Variants in GPR158 observed in about 807,000 individuals in gnomAD.
The protein encoded by GPR158 is G protein-coupled receptor 158.
In GPR158, 30 loss-of-function variants were observed where a neutral mutation model predicts 78.2. The ratio of observed to expected loss-of-function variants is 0.38; its 90% confidence interval spans 0.29 to 0.52. The LOEUF (loss-of-function observed/expected upper bound fraction) is 0.52, where lower values mean the gene tolerates loss of function less well. Among genes scored for constraint, GPR158 ranks in the 20% least tolerant of loss-of-function variants. The pLI, the probability that GPR158 is intolerant of heterozygous loss-of-function variation, is 0.83. For synonymous variants in GPR158, 581 were observed against 591.1 expected (o/e 0.98, Z 0.25); for missense variants, 1,463 against 1,523.5 (o/e 0.96, Z 0.66).
chr10:25,418,540 A>C (rs1179873858), intron 4 of GPR158, among the ~76,000 whole-genome samples: 4 of 151,994 alleles, frequency 2.6e-5, no homozygotes, highest in African/African-American at 9.7e-5. Context: ...AGAATTTTAA[A>C]ACAGTATTTT....
At chr10:25,443,970 A>T (rs1379908682) in intron 4 of GPR158, among the ~76,000 whole-genome samples, 1 of 152,070 alleles carries the variant, frequency 6.6e-6, no homozygotes, top group East Asian at 1.9e-4. Context: ...GGGGCTTCTC[A>T]GCATGTATGC....
At chr10:25,411,933 CAAAAAAAAAAAAAAAAAAAAAA>C (rs1164005677) in intron 3 of GPR158, among the ~76,000 whole-genome samples, 18 of 47,468 alleles carry the variant, frequency 3.8e-4, no homozygotes, top group Admixed American at 2.6e-3. Context: ...GACTCTATCA[CAAAAAAAAAAAAAAAAAAAAAA>C]AAAAAAAAAA....
intron 2 of GPR158, among the ~76,000 whole-genome samples, chr10:25,257,821 G>A (rs1419424401): frequency 6.6e-6 from 1 of 152,080 alleles, no homozygotes; most frequent in South Asian, 2.1e-4. Context: ...TATCACTTAC[G>A]CAAGTAGGCT....
At chr10:25,424,914 T>G (rs11014543) in intron 4 of GPR158, among the ~76,000 whole-genome samples, 13,902 of 152,252 alleles carry the variant, frequency 0.091, 682 homozygotes, top group East Asian at 0.17. Context: ...TTTCCAATTC[T>G]GTGAAGAAAG....
At chr10:25,266,529 G>A (rs1854046834) in intron 2 of GPR158, among the ~76,000 whole-genome samples, 1 of 152,078 alleles carries the variant, frequency 6.6e-6, no homozygotes, top group African/African-American at 2.4e-5. Context: ...TAAACAAATT[G>A]GGAATGACTA....
chr10:25,319,018 A>G (rs1383307297), intron 2 of GPR158, among the ~76,000 whole-genome samples: 1 of 152,184 alleles, frequency 6.6e-6, no homozygotes, highest in Admixed American at 6.5e-5. Context: ...GTGTAGGACT[A>G]AATTGTTTGG....
At chr10:25,460,056 A>G (rs1467252136) in intron 4 of GPR158, among the ~76,000 whole-genome samples, 2 of 152,204 alleles carry the variant, frequency 1.3e-5, no homozygotes, top group Non-Finnish European at 1.5e-5. Context: ...TGCAAAAATT[A>G]TAAGATACAG....
chr10:25,178,608 T>TTA (rs1263416373), intron 1 of GPR158, among the ~76,000 whole-genome samples: 3 of 152,186 alleles, frequency 2.0e-5, no homozygotes, highest in Admixed American at 6.5e-5. Flanking sequence ...AAGATGGTAT[T>TTA]CTTCAGCCAA....
chr10:25,448,186 G>A (rs577971106), intron 4 of GPR158, among the ~76,000 whole-genome samples: 8 of 149,742 alleles, frequency 5.3e-5, no homozygotes, highest in Non-Finnish European at 8.9e-5. Context: ...CCAGGTTCAC[G>A]CCATTCTCCT....
intron 2 of GPR158, among the ~76,000 whole-genome samples, chr10:25,305,798 A>C (rs1391403712): frequency 6.6e-6 from 1 of 152,186 alleles, no homozygotes; most frequent in Non-Finnish European, 1.5e-5. Context: ...GGGGTGGCTC[A>C]GATCTCCTCA....
intron 2 of GPR158, among the ~76,000 whole-genome samples, chr10:25,343,872 AC>A (rs1855336239): frequency 6.6e-6 from 1 of 152,002 alleles, no homozygotes. Flanking sequence ...AATAGGAAAA[AC>A]ATCTCATTAA....
chr10:25,386,146 A>G (rs989466312), intron 2 of GPR158, among the ~76,000 whole-genome samples: 4 of 152,152 alleles, frequency 2.6e-5, no homozygotes. Context: ...GGTGTTAGGT[A>G]AAGGTCTGAC....
chr10:25,265,995 G>A (rs1006127935), intron 2 of GPR158, among the ~76,000 whole-genome samples: 1 of 152,158 alleles, frequency 6.6e-6, no homozygotes, highest in African/African-American at 2.4e-5. Flanking sequence ...TGTGACTGCT[G>A]TGTTCCTCTT....
chr10:25,347,326 C>G (rs1045651700), intron 2 of GPR158, among the ~76,000 whole-genome samples: 4 of 151,992 alleles, frequency 2.6e-5, no homozygotes, highest in Non-Finnish European at 4.4e-5. Flanking sequence ...TGACCACAGT[C>G]ACAAGAGGTT....
intron 4 of GPR158, among the ~76,000 whole-genome samples, chr10:25,441,713 CTTGAAAATTATTTTT>C (rs1038661210): frequency 3.9e-5 from 6 of 152,112 alleles, no homozygotes; most frequent in Admixed American, 3.9e-4. Context: ...GACTTATAAC[CTTGAAAATTATTTTT>C]TATATCCTGA....
chr10:25,187,754 T>G lies in GPR158; in HGVS notation c.902+11432T>G, dbSNP rs1048480279. 2.6e-5 allele frequency among the ~76,000 whole-genome samples: 4 copies of G among 152,278 alleles called. No homozygotes were observed. In the East Asian group the frequency reaches 5.8e-4, roughly 22 times the overall value. ...GGGATGCCCTCTCTCACCACTCCTATTCAACATACTGTTGGAAGTTCTGGC... is the reference window on the plus strand; with the variant it reads ...GGGATGCCCTCTCTCACCACTCCTAGTCAACATACTGTTGGAAGTTCTGGC... On this transcript the variant is annotated intron_variant, in intron 1 of 10. Transcript: ENST00000376351.
intron 1 of GPR158, among the ~76,000 whole-genome samples, chr10:25,186,221 C>A (rs574684802): frequency 6.6e-6 from 1 of 152,120 alleles, no homozygotes; most frequent in Non-Finnish European, 1.5e-5. Flanking sequence ...ACATTTAAAG[C>A]GGTGTGTAGA....
Position 25,599,443 on chromosome 10 carries a change from A to C in GPR158, c.*169A>C. The C allele has an allele frequency of 5.1e-6, 3 of 593,294 alleles. No homozygotes were observed. The South Asian group carries it at 6.5e-5, about 13-fold the overall frequency. The allele number at this position is 593,294 out of a possible 1,614,324, so 36.8% of individuals were successfully genotyped here. On this transcript the variant is annotated 3_prime_UTR_variant, in exon 11 of 11. Coordinates refer to ENST00000376351, the MANE Select transcript of GPR158 (RefSeq NM_020752.3). The stretch of plus-strand genomic sequence containing the variant: ...GAGGACCAGGGGGGCAAGAGCAACA[A>C]CGTCATAATGGAGAAGTCAGACTTT...
At chr10:25,252,921 C>T (rs904236137) in intron 2 of GPR158, among the ~76,000 whole-genome samples, 26 of 121,290 alleles carry the variant, frequency 2.1e-4, no homozygotes, top group East Asian at 8.1e-4. Context: ...GCCTCGCTGC[C>T]GCCTTGCAGT....
Sources: gnomAD v4.1 joint callset for allele counts (sites outside exome capture counted in the v4.1 genomes callset) on GRCh38, gnomAD v4.1.1 for gene constraint, MANE v1.5 for transcripts, NCBI Gene and HGNC (gene_info 2026-07-23, HGNC 2026-07-21) for gene names.